EDF1: variants seen among roughly 807,000 people sequenced by gnomAD.
The protein encoded by EDF1 is endothelial differentiation related factor 1.
Under a neutral mutation model 20.8 loss-of-function variants are expected in EDF1, and 5 were observed. That is an observed-to-expected ratio of 0.24 (90% CI 0.13 to 0.51). The LOEUF is 0.51. Ranked by LOEUF, EDF1 falls within the 20% of genes least tolerant of loss-of-function variation. EDF1 has a pLI of 0.97. For synonymous variants in EDF1, 96 were observed against 78.5 expected, an observed-to-expected ratio of 1.22 and a Z score of -1.18; for missense variants, 137 against 197.8, an observed-to-expected ratio of 0.69 and a Z score of 1.84.
Position 136,863,736 on chromosome 9 carries a change from C to G in EDF1, c.130+84G>C, listed in dbSNP as rs114758798. ...GCAGGCACTCAGCTGACAACGTCCC[C>G]GGGGGCGCCGCACACACCACACCCA... On this transcript the variant is annotated intron_variant, in intron 2 of 4. Transcript: ENST00000224073. This position sits in a 1 kb window ranked among gnomAD's most constrained non-coding sequence, Gnocchi z 4.5. 405 of 1,528,914 alleles carry G rather than the reference C, an allele frequency of 2.6e-4. 4 individuals are homozygous for G. In the South Asian group the frequency reaches 3.3e-3, roughly 12 times the overall value. 94.7% of individuals were successfully genotyped at this position (1,528,914 alleles called of 1,614,324 possible). A position where few individuals can be genotyped will look rare whatever the true frequency, so the allele number is the denominator to read the frequency against.
At position 136,865,755 on chromosome 9, in the gene EDF1, TGTCCCC is replaced by T. The variant is rs1414806260; in HGVS notation, c.78+420_78+425del. On this transcript the variant is annotated intron_variant, in intron 1 of 4. Transcript: ENST00000224073. ...TATCCTCACACAAGGCCCCCAGCCT[TGTCCCC>T]GTCCCCGTCCCCACCTCCTGCCTCT... is the stretch of plus-strand genomic sequence containing the variant. Among the ~76,000 whole-genome samples, 90 of 151,112 alleles carry T rather than the reference TGTCCCC, an allele frequency of 6.0e-4. 1 individual carries two copies. The highest frequency in any genetic ancestry group is 8.0e-4 in the Non-Finnish European group (54 of 67,734).
intron 1 of EDF1, among the ~76,000 whole-genome samples, chr9:136,864,265 A>G (rs1004661930): frequency 4.7e-5 from 7 of 150,432 alleles, no homozygotes; most frequent in Non-Finnish European, 7.4e-5. Flanking sequence ...AGAAAGACAC[A>G]CTAGGGATTT....
chr9:136,863,177 C>A lies in EDF1; in HGVS notation c.291+111G>T. 6.5e-7 allele frequency: 1 copy of A among 1,542,866 alleles called. No homozygotes were observed. Among genetic ancestry groups the A allele is most frequent in the Non-Finnish European group, 8.8e-7 (1 of 1,142,796 alleles). ...CTGACCTGGCTTCCCGAGGCATTCCCTGCAGGGGAACCAGGGGGGTGGAGC... is the reference window on the plus strand; with the variant it reads ...CTGACCTGGCTTCCCGAGGCATTCCATGCAGGGGAACCAGGGGGGTGGAGC... On this transcript the variant is annotated intron_variant, in intron 3 of 4. Transcript: ENST00000224073. This position sits in a 1 kb window ranked among gnomAD's most constrained non-coding sequence, Gnocchi z 4.5.
chr9:136,863,693 C>T lies in EDF1; in HGVS notation c.130+127G>A, dbSNP rs556536230. 2.4e-6 allele frequency: 3 copies of T among 1,264,774 alleles called. No individual in the cohort carries two copies. Among genetic ancestry groups the T allele is most frequent in the East Asian group, 4.7e-5 (2 of 42,256 alleles). 78.3% of individuals were successfully genotyped at this position (1,264,774 alleles called of 1,614,324 possible). ...GGAAGATGGCTGCCTCCCAGGGCTC[C>T]GGCCAGCACCGGTGCAGGCAGGCAC... is the stretch of plus-strand genomic sequence containing the variant. On this transcript the variant is annotated intron_variant, in intron 2 of 4. Transcript: ENST00000224073. This position sits in a 1 kb window ranked among gnomAD's most constrained non-coding sequence, Gnocchi z 4.5.
intron 1 of EDF1, among the ~76,000 whole-genome samples, chr9:136,864,273 T>C (rs1330589250): frequency 7.5e-6 from 1 of 133,652 alleles, no homozygotes; most frequent in East Asian, 2.1e-4. Flanking sequence ...ACACTAGGGA[T>C]TTTTTTTTTT....
chr9:136,862,487 G>A lies in EDF1; in HGVS notation c.386-142C>T, dbSNP rs563494813. 195 of 1,612,308 alleles carry A rather than the reference G, an allele frequency of 1.2e-4. No homozygotes were observed. Among genetic ancestry groups the A allele is most frequent in the Non-Finnish European group, 1.6e-4 (186 of 1,179,850 alleles). ...GGCTCTCAGCACACGAGCACTCCTG[G>A]TTCCCACATCTAATTTTGAAGAGGA... On this transcript the variant is annotated intron_variant, in intron 4 of 4. Coordinates refer to ENST00000224073, the MANE Select transcript of EDF1 (RefSeq NM_003792.4). This position sits in a 1 kb window ranked among gnomAD's most constrained non-coding sequence, Gnocchi z 4.1.
rs1490399258 is a variant in EDF1 at position 136,866,280 on chromosome 9, GTCCGGCGGCTCAGC to G, written c.-36_-23del. The G allele has an allele frequency of 1.9e-6, 3 of 1,591,640 alleles. No homozygotes were observed. Among genetic ancestry groups the G allele is most frequent in the Non-Finnish European group, 2.6e-6 (3 of 1,173,070 alleles). ...CCATGGCGGGCGAAGACGAGCGTCC[GTCCGGCGGCTCAGC>G]GGCAGCTGCTAGAGACCTGGCGCGG... On this transcript the variant is annotated 5_prime_UTR_variant, in exon 1 of 5. Transcript: ENST00000224073.
At position 136,862,158 on chromosome 9, in the gene EDF1, C is replaced by A. The variant is rs1335699049; in HGVS notation, c.*126G>T. ...TTGTTTGTTTGACAGCAGGAATGGG[C>A]TGGGGAGGGTCCCCCGCAAGCTGGA... On this transcript the variant is annotated 3_prime_UTR_variant, in exon 5 of 5. Transcript: ENST00000224073. This position sits in a 1 kb window ranked among gnomAD's most constrained non-coding sequence, Gnocchi z 4.1. 1.6e-6 allele frequency: 2 copies of A among 1,237,110 alleles called. No individual in the cohort carries two copies. Among genetic ancestry groups the A allele is most frequent in the Middle Eastern group, 2.0e-4 (1 of 4,962 alleles). 76.6% of individuals were successfully genotyped at this position (1,237,110 alleles called of 1,614,324 possible). A position where few individuals can be genotyped will look rare whatever the true frequency, so the allele number is the denominator to read the frequency against.
In EDF1 at chr9:136,862,903, C is replaced by T. The variant is rs112251767; in HGVS notation, c.385+3G>A. The T allele has an allele frequency of 1.2e-6, 2 of 1,613,494 alleles. No individual in the cohort carries two copies. Among genetic ancestry groups the T allele is most frequent in the East Asian group, 4.5e-5 (2 of 44,886 alleles). On this transcript the variant is annotated splice_donor_region_variant and intron_variant, in intron 4 of 4. Transcript: ENST00000224073. This position sits in a 1 kb window ranked among gnomAD's most constrained non-coding sequence, Gnocchi z 4.1. Reference sequence around the variant, plus strand: ...ACCCGGCGAAGGGTGGAGGGACACTCACCAATGGCCCGCTCGATTTTGCCA... The same window carrying T: ...ACCCGGCGAAGGGTGGAGGGACACTTACCAATGGCCCGCTCGATTTTGCCA...
Position 136,863,455 on chromosome 9 carries a change from T to C in EDF1, c.131-7A>G. Reference sequence around the variant, plus strand: ...TTGTTCTGGCCAGCAGCCCCTGGAGTCGGTGTGAGGCAAAAGCAGAGGAGA... The same window carrying C: ...TTGTTCTGGCCAGCAGCCCCTGGAGCCGGTGTGAGGCAAAAGCAGAGGAGA... On this transcript the variant is annotated splice_polypyrimidine_tract_variant and splice_region_variant and intron_variant, in intron 2 of 4. Coordinates refer to ENST00000224073, the MANE Select transcript of EDF1 (RefSeq NM_003792.4). The surrounding 1 kb of genome is among the most constrained non-coding windows in gnomAD (Gnocchi z 4.5). The C allele has an allele frequency of 1.2e-6, 2 of 1,610,350 alleles. No individual in the cohort carries two copies. The highest frequency in any genetic ancestry group is 4.5e-5 in the East Asian group (2 of 44,784).
rs185307312 is a variant in EDF1, at chr9:136,863,597, C to T, written c.131-149G>A. 120 of 1,137,192 alleles carry T rather than the reference C, an allele frequency of 1.1e-4. No individual in the cohort carries two copies. The highest frequency in any genetic ancestry group is 9.6e-5 in the Non-Finnish European group (78 of 814,240). The allele number at this position is 1,137,192 out of a possible 1,614,324, so 70.4% of individuals were successfully genotyped here. Reference sequence around the variant, plus strand: ...TGTCCCAAGTTCACACACCTCAGGTCGTGGACTTCCAGAGTTTTCTCTCAG... The same window carrying T: ...TGTCCCAAGTTCACACACCTCAGGTTGTGGACTTCCAGAGTTTTCTCTCAG... On this transcript the variant is annotated intron_variant, in intron 2 of 4. Transcript: ENST00000224073. The surrounding 1 kb of genome is among the most constrained non-coding windows in gnomAD (Gnocchi z 4.5).
rs61326921 is a variant in EDF1, at chr9:136,863,496, C to T, written c.131-48G>A. 1.9e-6 allele frequency: 3 copies of T among 1,586,242 alleles called. No homozygotes were observed. The highest frequency in any genetic ancestry group is 1.7e-6 in the Non-Finnish European group (2 of 1,162,752). On this transcript the variant is annotated intron_variant, in intron 2 of 4. Transcript: ENST00000224073. This position sits in a 1 kb window ranked among gnomAD's most constrained non-coding sequence, Gnocchi z 4.5. Reference sequence around the variant, plus strand: ...GCAGAGGAGAGGATTTGGAATTAACCTGAAGAAAAACCATTTCAAAGCGGT... The same window carrying T: ...GCAGAGGAGAGGATTTGGAATTAACTTGAAGAAAAACCATTTCAAAGCGGT...
intron 1 of EDF1, among the ~76,000 whole-genome samples, chr9:136,865,213 C>T (rs561128041): frequency 1.3e-5 from 2 of 152,214 alleles, no homozygotes; most frequent in South Asian, 4.1e-4. Context: ...AAACTGTCCT[C>T]CCTATTACAT....
chr9:136,862,478 G>A lies in EDF1; in HGVS notation c.386-133C>T, dbSNP rs377050269. Reference sequence around the variant, plus strand: ...GCCTCACTGGGCTCTCAGCACACGAGCACTCCTGGTTCCCACATCTAATTT... The same window carrying A: ...GCCTCACTGGGCTCTCAGCACACGAACACTCCTGGTTCCCACATCTAATTT... On this transcript the variant is annotated intron_variant, in intron 4 of 4. Coordinates refer to ENST00000224073, the MANE Select transcript of EDF1 (RefSeq NM_003792.4). The surrounding 1 kb of genome is among the most constrained non-coding windows in gnomAD (Gnocchi z 4.1). The A allele has an allele frequency of 4.3e-6, 7 of 1,612,748 alleles. No homozygotes were observed. Among genetic ancestry groups the A allele is most frequent in the Non-Finnish European group, 5.9e-6 (7 of 1,179,876 alleles).
At position 136,862,717 on chromosome 9, in the gene EDF1, T is replaced by C. The variant is rs1023695665; in HGVS notation, c.385+189A>G. 1 of 1,527,616 alleles carries C rather than the reference T, an allele frequency of 6.5e-7. No homozygotes were observed. The highest frequency in any genetic ancestry group is 8.7e-7 in the Non-Finnish European group (1 of 1,145,582). The allele number at this position is 1,527,616 out of a possible 1,614,324, so 94.6% of individuals were successfully genotyped here. A position where few individuals can be genotyped will look rare whatever the true frequency, so the allele number is the denominator to read the frequency against. On this transcript the variant is annotated intron_variant, in intron 4 of 4. Coordinates refer to ENST00000224073, the MANE Select transcript of EDF1 (RefSeq NM_003792.4). This position sits in a 1 kb window ranked among gnomAD's most constrained non-coding sequence, Gnocchi z 4.1. ...TCGGACTCCACTTGCTCTTAGGGGT[T>C]TCCTGAGGCCTGCAGAGACCCCACC... is the stretch of plus-strand genomic sequence containing the variant.
At position 136,862,219 on chromosome 9, in the gene EDF1, C is replaced by T; in HGVS notation, c.*65G>A. ...CGTTCGGCCCGTGAGGAGAACGGAA[C>T]TGGCGGCCAAGGGGAACCGGCGGAA... is the stretch of plus-strand genomic sequence containing the variant. On this transcript the variant is annotated 3_prime_UTR_variant, in exon 5 of 5. Transcript: ENST00000224073. This position sits in a 1 kb window ranked among gnomAD's most constrained non-coding sequence, Gnocchi z 4.1. The T allele has an allele frequency of 6.2e-6, 10 of 1,605,558 alleles. No individual in the cohort carries two copies. Among genetic ancestry groups the T allele is most frequent in the African/African-American group, 1.3e-5 (1 of 74,898 alleles).
At position 136,862,958 on chromosome 9, in the gene EDF1, G is replaced by A. The variant is rs1319143109; in HGVS notation, c.333C>T (p.Ser111=). Residue 111 remains serine (S), a synonymous_variant, in exon 4 of 5, where the codon AGC becomes AGT. Transcript: ENST00000224073. This position sits in a 1 kb window ranked among gnomAD's most constrained non-coding sequence, Gnocchi z 4.1. ...CCTGGTTATTGGGTATGGCCCGTCCGCTCTCATAGTCCGCGATCACCTGTG... is the reference window on the plus strand; with the variant it reads ...CCTGGTTATTGGGTATGGCCCGTCCACTCTCATAGTCCGCGATCACCTGTG... ...EKPQVIADYE[S]GRAIPNNQVL... The A allele has an allele frequency of 5.6e-6, 9 of 1,613,846 alleles. No individual in the cohort carries two copies. The highest frequency in any genetic ancestry group is 4.0e-5 in the African/African-American group (3 of 74,928).
At chr9:136,865,065 T>C (rs1008142974) in intron 1 of EDF1, among the ~76,000 whole-genome samples, 1 of 152,176 alleles carries the variant, frequency 6.6e-6, no homozygotes, top group Non-Finnish European at 1.5e-5. Flanking sequence ...TGAATTTGGT[T>C]TTGACTGTGC....
chr9:136,862,570 C>A lies in EDF1; in HGVS notation c.386-225G>T. On this transcript the variant is annotated intron_variant, in intron 4 of 4. Coordinates refer to ENST00000224073, the MANE Select transcript of EDF1 (RefSeq NM_003792.4). This position sits in a 1 kb window ranked among gnomAD's most constrained non-coding sequence, Gnocchi z 4.1. ...ACACCCCTCTCCGGAAGAACCGGAG[C>A]CGGGGTCCTCTGTGGAACTGGCTTC... 1 of 1,569,978 alleles carries A rather than the reference C, an allele frequency of 6.4e-7. No individual in the cohort carries two copies. The highest frequency in any genetic ancestry group is 8.6e-7 in the Non-Finnish European group (1 of 1,164,614).
Sources: gnomAD v4.1 joint callset for allele counts (sites outside exome capture counted in the v4.1 genomes callset) on GRCh38, gnomAD v4.1.1 for gene constraint, Gnocchi (gnomAD v3.1) non-coding constraint, MANE v1.5 for transcripts, NCBI Gene and HGNC (gene_info 2026-07-23, HGNC 2026-07-21) for gene names.